The following ZC3H12B variants were observed in gnomAD, a reference collection of about 807,000 sequenced individuals.
The protein encoded by ZC3H12B is zinc finger CCCH-type containing 12B, also known as probable ribonuclease ZC3H12B.
Under a neutral mutation model 43.9 loss-of-function variants are expected in ZC3H12B, and 7 were observed. The ratio of observed to expected loss-of-function variants is 0.16; its 90% CI spans 0.09 to 0.30. ZC3H12B has a LOEUF of 0.30. ZC3H12B is among the 10% of genes least tolerant of loss of function. The probability of loss-of-function intolerance (pLI) is 1.00; values close to 1 mark genes in which losing one functional copy is unlikely to be tolerated. For missense variants in ZC3H12B, 475 were observed against 670.2 expected (o/e 0.71, Z 3.22); for synonymous variants, 222 against 241.7 (o/e 0.92, Z 0.76).
chrX:65,432,658 G>A (rs192007062), intron 3 of ZC3H12B, among the ~76,000 whole-genome samples: 6 of 111,900 alleles, frequency 5.4e-5, no homozygotes, highest in East Asian at 2.8e-4. Flanking sequence ...AAATCCAGAT[G>A]AGCCCCCTAG....
the ZC3H12B span, among the ~76,000 whole-genome samples, chrX:65,219,275 C>A: frequency 1.8e-5 from 2 of 111,340 alleles, no homozygotes; most frequent in Non-Finnish European, 3.8e-5. Flanking sequence ...TCTTTAACTC[C>A]CTCAAAAGAT....
the ZC3H12B span, among the ~76,000 whole-genome samples, chrX:65,301,519 C>G: frequency 7.4e-5 from 8 of 108,099 alleles, no homozygotes; most frequent in Admixed American, 7.9e-4. Flanking sequence ...TACTATTCAG[C>G]CAAAAAAAAA....
chrX:65,295,275 T>A, the ZC3H12B span, among the ~76,000 whole-genome samples: 1 of 111,491 alleles, frequency 9.0e-6, no homozygotes, highest in Non-Finnish European at 1.9e-5. Flanking sequence ...TGCAAATACA[T>A]GGAAATTAAA....
the ZC3H12B span, among the ~76,000 whole-genome samples, chrX:65,146,001 G>T: frequency 9.0e-6 from 1 of 111,368 alleles, no homozygotes; most frequent in Non-Finnish European, 1.9e-5. Flanking sequence ...GGTGTTCTTT[G>T]TGCTTCTTGT....
intron 2 of ZC3H12B, among the ~76,000 whole-genome samples, chrX:65,390,313 G>A (rs745634970): frequency 1.8e-5 from 2 of 110,885 alleles, no homozygotes; most frequent in Admixed American, 9.6e-5. Flanking sequence ...TAAATGATGA[G>A]TTAATGGGTG....
chrX:65,384,853 G>C (rs1556088950), intron 2 of ZC3H12B, among the ~76,000 whole-genome samples: 1 of 111,288 alleles, frequency 9.0e-6, no homozygotes, highest in African/African-American at 3.2e-5. Flanking sequence ...GAAAGAACAG[G>C]AGTTGGAACA....
At chrX:65,223,373 G>T in the ZC3H12B span, among the ~76,000 whole-genome samples, 1 of 111,368 alleles carries the variant, frequency 9.0e-6, no homozygotes, top group African/African-American at 3.3e-5. Context: ...TAAAAATTCT[G>T]GGAGATAACA....
At chrX:65,071,656 A>G in the ZC3H12B span, among the ~76,000 whole-genome samples, 6 of 111,954 alleles carry the variant, frequency 5.4e-5, no homozygotes, top group East Asian at 1.7e-3. Flanking sequence ...GTGGTAACGA[A>G]TTCCCTAAGC....
chrX:65,215,116 C>T, the ZC3H12B span, among the ~76,000 whole-genome samples: 4 of 111,844 alleles, frequency 3.6e-5, no homozygotes, highest in African/African-American at 1.3e-4. Context: ...CTTCGTTTGT[C>T]CATTTACAAA....
At chrX:65,162,706 G>A in the ZC3H12B span, among the ~76,000 whole-genome samples, 13 of 111,738 alleles carry the variant, frequency 1.2e-4, no homozygotes, top group East Asian at 3.7e-3. Context: ...TTTGCCTTTG[G>A]TTTGAATTTC....
chrX:65,301,453 TG>T, the ZC3H12B span, among the ~76,000 whole-genome samples: 4 of 109,516 alleles, frequency 3.7e-5, no homozygotes, highest in Non-Finnish European at 5.7e-5. Context: ...AATCAACAAA[TG>T]GATAAAGAAA....
the ZC3H12B span, among the ~76,000 whole-genome samples, chrX:65,360,715 A>C: frequency 8.9e-6 from 1 of 112,379 alleles, no homozygotes; most frequent in East Asian, 2.8e-4. Context: ...GGCAAATAAA[A>C]GAATATATCT....
At chrX:65,136,381 G>A in the ZC3H12B span, among the ~76,000 whole-genome samples, 2 of 110,939 alleles carry the variant, frequency 1.8e-5, no homozygotes, top group Non-Finnish European at 3.8e-5. Flanking sequence ...GTTTATTACT[G>A]GCTGATGAGA....
chrX:65,206,159 T>C, the ZC3H12B span, among the ~76,000 whole-genome samples: 66 of 111,589 alleles, frequency 5.9e-4, no homozygotes, highest in African/African-American at 1.9e-3. Flanking sequence ...TAGAAAATAA[T>C]CATCCTAAAA....
At chrX:65,260,338 C>A in the ZC3H12B span, among the ~76,000 whole-genome samples, 3 of 110,196 alleles carry the variant, frequency 2.7e-5, no homozygotes, top group African/African-American at 9.9e-5. Context: ...TACAGCTAAC[C>A]AGGAAGGTCA....
intron 3 of ZC3H12B, among the ~76,000 whole-genome samples, chrX:65,458,155 C>A (rs1472571075): frequency 9.7e-6 from 1 of 103,340 alleles, no homozygotes; most frequent in African/African-American, 3.6e-5. Flanking sequence ...ACAAGAAGAG[C>A]TAACTATCCT....
At chrX:65,180,691 G>T in the ZC3H12B span, among the ~76,000 whole-genome samples, 6 of 110,696 alleles carry the variant, frequency 5.4e-5, no homozygotes, top group African/African-American at 1.6e-4. Context: ...AAAATACTAG[G>T]AATACAACTT....
the ZC3H12B span, among the ~76,000 whole-genome samples, chrX:65,225,265 G>A: frequency 8.9e-6 from 1 of 112,410 alleles, no homozygotes; most frequent in Non-Finnish European, 1.9e-5. Context: ...CAGGCAAACA[G>A]GGTCTGGAGT....
the ZC3H12B span, among the ~76,000 whole-genome samples, chrX:65,361,594 A>G: frequency 8.9e-6 from 1 of 111,761 alleles, no homozygotes; most frequent in Non-Finnish European, 1.9e-5. Context: ...AACTGCAGTT[A>G]GCATTTAGAC....
Sources: gnomAD v4.1 joint callset for allele counts (sites outside exome capture counted in the v4.1 genomes callset) on GRCh38, gnomAD v4.1.1 for gene constraint, MANE v1.5 for transcripts, NCBI Gene and HGNC (gene_info 2026-07-23, HGNC 2026-07-21) for gene names.